PLCD4: variants seen among roughly 807,000 people sequenced by gnomAD.
PLCD4 encodes phospholipase C delta 4, also known as 1-phosphatidylinositol 4,5-bisphosphate phosphodiesterase delta-4.
PLCD4 carries 63 observed loss-of-function variants against 90.2 expected under a neutral mutation model. The ratio of observed to expected loss-of-function variants is 0.70; its 90% CI spans 0.57 to 0.86. PLCD4 has a LOEUF of 0.86. Among genes scored for constraint, PLCD4 ranks in the 40% least tolerant of loss-of-function variants. The probability of loss-of-function intolerance (pLI) is 0.00; values close to 1 mark genes in which losing one functional copy is unlikely to be tolerated. For missense variants in PLCD4, 830 were observed against 956.3 expected (o/e 0.87, Z 1.74); for synonymous variants, 294 against 356.5 (o/e 0.82, Z 1.97).
intron 14 of PLCD4, 125 bp downstream of exon 14, chr2:218,636,056 TACAAAGAATC>T: frequency 6.8e-7 from 1 of 1,475,916 alleles, no homozygotes; most frequent in Admixed American, 2.0e-5. Flanking sequence ...TGTGGAACAG[TACAAAGAATC>T]CTGGCTCTTC....
rs1695753415 is a variant in PLCD4, at chr2:218,618,929, TG to T, written c.410+124del. 3 of 893,358 alleles carry T rather than the reference TG, an allele frequency of 3.4e-6. No homozygotes were observed. The South Asian group carries it at 4.8e-5, about 14-fold the overall frequency. The allele number at this position is 893,358 out of a possible 1,614,324, so 55.3% of individuals were successfully genotyped here. ...GGCTAGGGAGGCCCAAGGGTCCAGA[TG>T]GTATGGGCAGGGACAGCTCAGGCCA... is the stretch of plus-strand genomic sequence containing the variant. On this transcript the variant is annotated intron_variant, in intron 4 of 15. Coordinates refer to ENST00000450993, the MANE Select transcript of PLCD4 (RefSeq NM_032726.4).
intron 4 of PLCD4, among the ~76,000 whole-genome samples, chr2:218,620,658 G>A (rs980559869): frequency 1.3e-5 from 2 of 151,796 alleles, no homozygotes; most frequent in Non-Finnish European, 2.9e-5. Context: ...TGAGGCTGTA[G>A]TGAGCCATGA....
rs747614132 is a variant in PLCD4 at position 218,630,779 on chromosome 2, C to T, written c.1249C>T (p.Pro417Ser). 1.5e-5 allele frequency: 24 copies of T among 1,613,412 alleles called. No homozygotes were observed. In the South Asian group the frequency reaches 2.4e-4, roughly 16 times the overall value. ...GAGCACCACCTTGGATGGGGTGCTG[C>T]CCACTCAGCTGCCCTCGCCTGAGGT... ...LLSTTLDGVL[P>S]TQLPSPEELR... is the part of the protein sequence containing the mutation. Residue 417 changes from proline (P) to serine (S), a missense_variant, in exon 9 of 16, where the codon CCC (proline) becomes TCC (serine). Pro to Ser is a moderately conservative substitution (Grantham distance 74). Transcript: ENST00000450993.
At chr2:218,618,919 AG>A (rs531985683) in intron 4 of PLCD4, 112 bp downstream of exon 4, 1 of 1,019,598 alleles carries the variant, frequency 9.8e-7, no homozygotes, top group Non-Finnish European at 1.5e-6. Context: ...GGGAGGCCCA[AG>A]GGTCCAGATG....
intron 4 of PLCD4, among the ~76,000 whole-genome samples, chr2:218,620,414 G>A (rs1352075683): frequency 2.0e-5 from 3 of 152,066 alleles, no homozygotes; most frequent in Admixed American, 6.6e-5. Flanking sequence ...GCTGAGGCAC[G>A]AGAATCACTT....
intron 8 of PLCD4, among the ~76,000 whole-genome samples, 160 bp from the exon 9 acceptor site, chr2:218,630,490 A>G (rs1036061285): frequency 6.6e-6 from 1 of 152,262 alleles, no homozygotes; most frequent in Non-Finnish European, 1.5e-5. Context: ...CCTCAGACCC[A>G]GCAAGATCTC....
Position 218,616,020 on chromosome 2 carries a change from G to A in PLCD4, c.139G>A (p.Val47Ile), listed in dbSNP as rs1424946764. The A allele has an allele frequency of 1.9e-6, 3 of 1,614,010 alleles. No homozygotes were observed. The highest frequency in any genetic ancestry group is 1.3e-5 in the African/African-American group (1 of 75,066). Residue 47 changes from valine (V) to isoleucine (I), a missense_variant, in exon 3 of 16, where the codon GTC becomes ATC. Val to Ile is a conservative substitution (Grantham distance 29, BLOSUM62 3). Coordinates refer to ENST00000450993, the MANE Select transcript of PLCD4 (RefSeq NM_032726.4). ...CAGACTTCAGAATGACGGCATGACA[G>A]TCTGGCATGCACGGCAGGCCAGGGG... ...YFRLQNDGMT[V>I]WHARQARGSA... is the part of the protein sequence containing the mutation.
intron 1 of PLCD4, among the ~76,000 whole-genome samples, chr2:218,614,933 A>T (rs1309995608): frequency 1.3e-5 from 2 of 152,088 alleles, no homozygotes; most frequent in Admixed American, 6.6e-5. Context: ...TGTTAAAGAG[A>T]AAAAAGAAAG....
intron 4 of PLCD4, 55 bp downstream of exon 4, chr2:218,618,862 A>T: frequency 6.7e-7 from 1 of 1,500,186 alleles, no homozygotes. Flanking sequence ...TCCCTGAAGG[A>T]GCCAGATGCA....
At chr2:218,633,926 C>A in intron 11 of PLCD4, 165 bp downstream of exon 11, 1 of 1,195,698 alleles carries the variant, frequency 8.4e-7, no homozygotes, top group South Asian at 1.4e-5. Flanking sequence ...TGAATAGTGG[C>A]TCAAGGGTCT....
At position 218,633,723 on chromosome 2, in the gene PLCD4, T is replaced by G. The variant is rs745982556; in HGVS notation, c.1568T>G (p.Phe523Cys). ...TACCACTTCTACGAGATATCATCTT[T>G]CTCTGAAACCAAGGCCAAGCGCCTC... Reference protein sequence around the residue: ...EHYHFYEISSFSETKAKRLIK... With the variant: ...EHYHFYEISSCSETKAKRLIK... Residue 523 changes from phenylalanine to cysteine, a missense_variant, in exon 11 of 16, where the codon TTC becomes TGC. By Grantham distance (205) the Phe-to-Cys change is radical. Transcript: ENST00000450993. 1 of 1,613,918 alleles carries G rather than the reference T, an allele frequency of 6.2e-7. No homozygotes were observed.
intron 1 of PLCD4, among the ~76,000 whole-genome samples, chr2:218,613,411 AAAG>A (rs1695434743): frequency 6.6e-6 from 1 of 151,478 alleles, no homozygotes; most frequent in Admixed American, 6.6e-5. Flanking sequence ...AAAAAAAAAA[AAAG>A]CACATAACAT....
rs763408021 is a variant in PLCD4, at chr2:218,633,837, C to G, written c.1606+76C>G. 65 of 1,538,608 alleles carry G rather than the reference C, an allele frequency of 4.2e-5. No individual in the cohort carries two copies. In the South Asian group the frequency reaches 7.2e-4, roughly 17 times the overall value. On this transcript the variant is annotated intron_variant, in intron 11 of 15. Coordinates refer to ENST00000450993, the MANE Select transcript of PLCD4 (RefSeq NM_032726.4). ...GGCCTGATGGACTGGCAGGTAAGTC[C>G]CAAGAAAAAAGACAAGGTAGCTAAG... is the stretch of plus-strand genomic sequence containing the variant.
intron 6 of PLCD4, among the ~76,000 whole-genome samples, chr2:218,623,398 G>A (rs1245386927): frequency 6.6e-6 from 1 of 152,186 alleles, no homozygotes; most frequent in East Asian, 1.9e-4. Flanking sequence ...CTGGCTGGGG[G>A]AATAAGGAGG....
At chr2:218,615,425 G>A (rs1445404519) in intron 1 of PLCD4, among the ~76,000 whole-genome samples, 4 of 152,120 alleles carry the variant, frequency 2.6e-5, no homozygotes. Flanking sequence ...AGGGTGGGGA[G>A]TGAGCAAAAT....
chr2:218,618,304 G>A (rs1695712886), intron 3 of PLCD4, among the ~76,000 whole-genome samples: 1 of 152,216 alleles, frequency 6.6e-6, no homozygotes, highest in Non-Finnish European at 1.5e-5. Flanking sequence ...TTTGGTTTGT[G>A]TCATACTGCC....
intron 1 of PLCD4, among the ~76,000 whole-genome samples, chr2:218,612,229 A>G (rs1695372499): frequency 1.3e-5 from 2 of 152,108 alleles, no homozygotes; most frequent in Non-Finnish European, 2.9e-5. Context: ...TTTCTACTTC[A>G]GTCTTCACAT....
At chr2:218,622,972 G>C (rs1695952626) in intron 6 of PLCD4, 94 bp downstream of exon 6, 2 of 1,132,372 alleles carry the variant, frequency 1.8e-6, no homozygotes, top group Non-Finnish European at 2.6e-6. Context: ...CTGCCTGAGA[G>C]AAGGTTGAGT....
intron 4 of PLCD4, among the ~76,000 whole-genome samples, chr2:218,620,173 C>T (rs1695805788): frequency 6.6e-6 from 1 of 152,148 alleles, no homozygotes; most frequent in Non-Finnish European, 1.5e-5. Flanking sequence ...AGCCACTGCA[C>T]CTGGCTCATA....
Sources: gnomAD v4.1 joint callset for allele counts (sites outside exome capture counted in the v4.1 genomes callset) on GRCh38, gnomAD v4.1.1 for gene constraint, MANE v1.5 for transcripts, NCBI Gene and HGNC (gene_info 2026-07-23, HGNC 2026-07-21) for gene names.